Variants in SAMMSON observed in about 807,000 individuals in gnomAD.
SAMMSON encodes long intergenic non-protein coding RNA 1212.
chr3:70,303,905 ACTC>A (rs1302319195), intron 7 of SAMMSON, among the ~76,000 whole-genome samples: 2 of 151,684 alleles, frequency 1.3e-5, no homozygotes, highest in East Asian at 3.9e-4. Flanking sequence ...TTGGTCTAAA[ACTC>A]CTGACCTCAA....
chr3:70,347,772 G>A (rs886717899), intron 7 of SAMMSON, among the ~76,000 whole-genome samples: 9 of 152,198 alleles, frequency 5.9e-5, no homozygotes, highest in African/African-American at 2.2e-4. Context: ...GTCGGGAGCA[G>A]CGGCTCACTC....
chr3:70,184,669 G>A (rs1701078918), intron 4 of SAMMSON, among the ~76,000 whole-genome samples: 1 of 152,160 alleles, frequency 6.6e-6, no homozygotes, highest in South Asian at 2.1e-4. Context: ...AGAGATTAAA[G>A]CAGTAAGGTA....
chr3:70,177,169 T>G (rs998747958), intron 4 of SAMMSON, among the ~76,000 whole-genome samples: 4 of 152,192 alleles, frequency 2.6e-5, no homozygotes, highest in Admixed American at 2.6e-4. Context: ...AGAAAGTATG[T>G]GTCTTTTTTA....
intron 4 of SAMMSON, among the ~76,000 whole-genome samples, chr3:70,202,915 A>AAT (rs1701255790): frequency 6.6e-6 from 1 of 152,116 alleles, no homozygotes; most frequent in African/African-American, 2.4e-5. Flanking sequence ...AGGAGGTTCC[A>AAT]CAAGTGTGTT....
intron 9 of SAMMSON, among the ~76,000 whole-genome samples, chr3:70,374,001 G>A (rs1489055470): frequency 2.6e-5 from 4 of 152,066 alleles, no homozygotes; most frequent in Admixed American, 6.6e-5. Flanking sequence ...TGCAACCTCC[G>A]CCTCCCAGGT....
At chr3:70,114,498 A>G (rs1023719541) in intron 4 of SAMMSON, among the ~76,000 whole-genome samples, 2 of 152,364 alleles carry the variant, frequency 1.3e-5, no homozygotes, top group African/African-American at 4.8e-5. Flanking sequence ...AGGCATTTTT[A>G]GTAAGTTTTC....
intron 4 of SAMMSON, among the ~76,000 whole-genome samples, chr3:70,242,191 G>T (rs1347718044): frequency 6.6e-6 from 1 of 152,130 alleles, no homozygotes; most frequent in Admixed American, 6.5e-5. Flanking sequence ...TGGGCTTCTG[G>T]AGTATCTTTC....
chr3:70,092,111 TG>T (rs1471532174), intron 4 of SAMMSON, among the ~76,000 whole-genome samples: 9 of 152,320 alleles, frequency 5.9e-5, no homozygotes, highest in Admixed American at 5.2e-4. Flanking sequence ...AACTTTGATT[TG>T]GAAATGAACC....
chr3:70,037,851 G>A (rs887214705), intron 3 of SAMMSON, among the ~76,000 whole-genome samples: 4 of 152,114 alleles, frequency 2.6e-5, no homozygotes, highest in African/African-American at 9.7e-5. Flanking sequence ...AATCTTACGT[G>A]GAGAGAGGAA....
chr3:70,410,176 CT>C (rs1226969082), intron 2 of SAMMSON, among the ~76,000 whole-genome samples: 1 of 152,208 alleles, frequency 6.6e-6, no homozygotes, highest in Non-Finnish European at 1.5e-5. Context: ...TTGCCTCATG[CT>C]GTCGGCATCC....
At chr3:70,311,337 T>C (rs1702451735) in intron 7 of SAMMSON, among the ~76,000 whole-genome samples, 2 of 152,186 alleles carry the variant, frequency 1.3e-5, no homozygotes, top group South Asian at 4.1e-4. Flanking sequence ...TTTTCAAAAG[T>C]GCGCAAATCT....
intron 9 of SAMMSON, among the ~76,000 whole-genome samples, chr3:70,372,790 T>C (rs1486464748): frequency 1.3e-5 from 2 of 152,210 alleles, no homozygotes; most frequent in Non-Finnish European, 2.9e-5. Context: ...ATGTGTAGTA[T>C]GTTTAAGTAT....
At chr3:70,019,379 G>A (rs1480535886) in intron 3 of SAMMSON, among the ~76,000 whole-genome samples, 2 of 152,098 alleles carry the variant, frequency 1.3e-5, no homozygotes, top group South Asian at 2.1e-4. Context: ...TTTAAAGTCT[G>A]TTTTATCAGA....
intron 7 of SAMMSON, among the ~76,000 whole-genome samples, chr3:70,339,412 T>C (rs961871104): frequency 6.6e-6 from 1 of 152,104 alleles, no homozygotes; most frequent in Non-Finnish European, 1.5e-5. Context: ...TGGGATCTAA[T>C]TAAACTAAAG....
At chr3:70,385,394 T>A (rs757665741) in intron 9 of SAMMSON, among the ~76,000 whole-genome samples, 1 of 152,080 alleles carries the variant, frequency 6.6e-6, no homozygotes, top group Non-Finnish European at 1.5e-5. Context: ...CCTCAGAACA[T>A]TTCATTGTTG....
At chr3:70,317,781 A>C (rs1165039718) in intron 7 of SAMMSON, among the ~76,000 whole-genome samples, 1 of 151,866 alleles carries the variant, frequency 6.6e-6, no homozygotes, top group Admixed American at 6.6e-5. Context: ...TTTTCATCTC[A>C]TATCATTCCT....
chr3:70,089,242 A>G (rs1051233454), intron 4 of SAMMSON, among the ~76,000 whole-genome samples: 1 of 152,206 alleles, frequency 6.6e-6, no homozygotes, highest in African/African-American at 2.4e-5. Flanking sequence ...AAGCTAATAC[A>G]TATATACTGA....
At chr3:70,314,025 C>T (rs1702477764) in intron 7 of SAMMSON, among the ~76,000 whole-genome samples, 1 of 152,126 alleles carries the variant, frequency 6.6e-6, no homozygotes, top group South Asian at 2.1e-4. Context: ...GTTTCCATCT[C>T]CACCCCTACC....
intron 3 of SAMMSON, chr3:70,065,371 C>G (rs2067205771): frequency 6.6e-6 from 1 of 152,044 alleles, no homozygotes; most frequent in Admixed American, 6.6e-5. Flanking sequence ...TTAATTACCA[C>G]CCGCCTGCGT....
Sources: gnomAD v4.1 joint callset for allele counts (sites outside exome capture counted in the v4.1 genomes callset) on GRCh38, gnomAD v4.1.1 for gene constraint, MANE v1.5 for transcripts, NCBI Gene and HGNC (gene_info 2026-07-23, HGNC 2026-07-21) for gene names.